Variants in MICU1 observed in about 807,000 individuals in gnomAD.
The protein encoded by MICU1 is mitochondrial calcium uptake 1.
MICU1 carries 45 observed loss-of-function variants against 56.8 expected under a neutral mutation model. That is an observed-to-expected ratio of 0.79 (90% confidence interval 0.62 to 1.02). The LOEUF is 1.02. Ranked by LOEUF, MICU1 falls within the 50% of genes least tolerant of loss-of-function variation. The probability of loss-of-function intolerance (pLI) is 0.00; values close to 1 mark genes in which losing one functional copy is unlikely to be tolerated. For synonymous variants in MICU1, 186 were observed against 195.1 expected (o/e 0.95, Z 0.39); for missense variants, 504 against 587.1 (o/e 0.86, Z 1.46).
intron 5 of MICU1, among the ~76,000 whole-genome samples, chr10:72,518,183 C>T (rs1867709722): frequency 6.6e-6 from 1 of 151,930 alleles, no homozygotes; most frequent in Non-Finnish European, 1.5e-5. Flanking sequence ...CAAGCATGTG[C>T]TACCACACCC....
chr10:72,600,136 A>G (rs1472761020), intron 1 of MICU1, among the ~76,000 whole-genome samples: 2 of 151,798 alleles, frequency 1.3e-5, no homozygotes, highest in African/African-American at 4.8e-5. Context: ...TACCAAAAAT[A>G]CAAAAATTAG....
chr10:72,423,112 A>G, intron 9 of MICU1, 122 bp downstream of exon 9: 1 of 1,334,702 alleles, frequency 7.5e-7, no homozygotes, highest in Non-Finnish European at 1.0e-6. Context: ...CAGGTACCAG[A>G]AATGAATTAG....
At chr10:72,545,160 G>A (rs766279877) in intron 4 of MICU1, among the ~76,000 whole-genome samples, 1 of 152,122 alleles carries the variant, frequency 6.6e-6, no homozygotes, top group Non-Finnish European at 1.5e-5. Flanking sequence ...TACTTCTGCT[G>A]CATCAACATT....
chr10:72,518,472 A>C (rs1033198300), intron 5 of MICU1, among the ~76,000 whole-genome samples: 1 of 152,180 alleles, frequency 6.6e-6, no homozygotes, highest in Non-Finnish European at 1.5e-5. Context: ...TATAAGAAAG[A>C]AATTTTTTAA....
intron 9 of MICU1, among the ~76,000 whole-genome samples, chr10:72,413,339 GACTTCAT>G (rs1310191754): frequency 2.0e-5 from 3 of 152,216 alleles, no homozygotes; most frequent in African/African-American, 7.2e-5. Flanking sequence ...TGATTGGTTA[GACTTCAT>G]CAAAATTTAA....
intron 1 of MICU1, among the ~76,000 whole-genome samples, chr10:72,590,118 A>AT (rs961715717): frequency 3.3e-5 from 5 of 151,900 alleles, no homozygotes; most frequent in South Asian, 2.1e-4. Flanking sequence ...GGCAAAACAG[A>AT]TTTTTTTTTA....
At chr10:72,502,086 T>C (rs532508378) in intron 6 of MICU1, among the ~76,000 whole-genome samples, 1 of 152,246 alleles carries the variant, frequency 6.6e-6, no homozygotes, top group East Asian at 1.9e-4. Context: ...ACAGTGTTCA[T>C]ATTCTTCAAA....
intron 4 of MICU1, among the ~76,000 whole-genome samples, chr10:72,535,182 AC>A (rs1839603065): frequency 6.6e-6 from 1 of 151,614 alleles, no homozygotes; most frequent in South Asian, 2.1e-4. Flanking sequence ...GGTGTGTGCC[AC>A]GATACCTGTC....
chr10:72,436,681 T>C (rs1864735356), intron 8 of MICU1, among the ~76,000 whole-genome samples: 1 of 151,658 alleles, frequency 6.6e-6, no homozygotes, highest in Admixed American at 6.6e-5. Flanking sequence ...ATGAGATGAA[T>C]AGCTAATTAG....
intron 8 of MICU1, among the ~76,000 whole-genome samples, chr10:72,457,577 C>A (rs1865511658): frequency 6.6e-6 from 1 of 152,098 alleles, no homozygotes; most frequent in African/African-American, 2.4e-5. Flanking sequence ...AACACCAACA[C>A]CAAGCTGGGG....
chr10:72,525,591 T>A (rs944743199), intron 5 of MICU1, among the ~76,000 whole-genome samples: 3 of 152,302 alleles, frequency 2.0e-5, no homozygotes, highest in African/African-American at 7.2e-5. Context: ...TATAGCTAAT[T>A]AAACTGGGAA....
In MICU1 at chr10:72,573,328, A is replaced by AC. The variant is rs1195224582; in HGVS notation, c.-1-6535_-1-6534insG. On this transcript the variant is annotated intron_variant, in intron 1 of 11. Transcript: ENST00000361114. ...ACTACAAAAAAAAAAAAAAAAAAAA[A>AC]AAAAAAACTAAGGCAACATATGGAA... Among the ~76,000 whole-genome samples, 715 of 114,366 alleles carry AC rather than the reference A, an allele frequency of 6.3e-3. 28 individuals are homozygous for AC. Among genetic ancestry groups the AC allele is most frequent in the African/African-American group, 0.01 (320 of 31,098 alleles). The allele number at this position is 114,366 out of a possible 152,430, so 75.0% of individuals were successfully genotyped here. A position where few individuals can be genotyped will look rare whatever the true frequency, so the allele number is the denominator to read the frequency against.
chr10:72,515,991 C>G (rs1403053796), intron 5 of MICU1, among the ~76,000 whole-genome samples: 1 of 152,158 alleles, frequency 6.6e-6, no homozygotes, highest in Non-Finnish European at 1.5e-5. Context: ...CTGTAATCAT[C>G]AGTAGTTCAC....
chr10:72,372,159 AG>A (rs1862367346), intron 11 of MICU1, among the ~76,000 whole-genome samples: 1 of 151,952 alleles, frequency 6.6e-6, no homozygotes, highest in Non-Finnish European at 1.5e-5. Flanking sequence ...GCTTTAGGCC[AG>A]AAGTTTGAGA....
intron 1 of MICU1, among the ~76,000 whole-genome samples, chr10:72,588,074 C>T (rs1424636159): frequency 1.3e-5 from 2 of 152,018 alleles, no homozygotes; most frequent in Non-Finnish European, 2.9e-5. Flanking sequence ...GACTGGATCA[C>T]GGGGGGCAGA....
intron 3 of MICU1, among the ~76,000 whole-genome samples, chr10:72,557,001 G>A (rs894492211): frequency 7.9e-5 from 12 of 151,990 alleles, no homozygotes; most frequent in African/African-American, 2.9e-4. Flanking sequence ...AGGAGGCGGA[G>A]GATGCAGTGA....
intron 8 of MICU1, among the ~76,000 whole-genome samples, chr10:72,452,514 T>C (rs1182860638): frequency 6.6e-6 from 1 of 152,248 alleles, no homozygotes; most frequent in Non-Finnish European, 1.5e-5. Context: ...TACAGTCATG[T>C]GCCACATAAC....
chr10:72,603,938 AT>A (rs1421043974), intron 1 of MICU1, among the ~76,000 whole-genome samples: 1 of 152,204 alleles, frequency 6.6e-6, no homozygotes, highest in African/African-American at 2.4e-5. Context: ...CTGATTGGCA[AT>A]TGGTTGAAAG....
intron 1 of MICU1, among the ~76,000 whole-genome samples, chr10:72,573,307 CAAA>C (rs58866778): frequency 9.5e-5 from 2 of 21,038 alleles, no homozygotes; most frequent in East Asian, 2.7e-3. Flanking sequence ...CCCATCACTA[CAAA>C]AAAAAAAAAA....
Sources: gnomAD v4.1 joint callset for allele counts (sites outside exome capture counted in the v4.1 genomes callset) on GRCh38, gnomAD v4.1.1 for gene constraint, MANE v1.5 for transcripts, NCBI Gene and HGNC (gene_info 2026-07-23, HGNC 2026-07-21) for gene names.